Variants in HADHA observed in about 807,000 individuals in gnomAD.
HADHA encodes hydroxyacyl-CoA dehydrogenase trifunctional multienzyme complex subunit alpha.
In HADHA, 59 loss-of-function variants were observed where a neutral mutation model predicts 91.3. That is an observed-to-expected ratio of 0.65 (90% CI 0.52 to 0.80). The LOEUF (loss-of-function observed/expected upper bound fraction) is 0.80, where lower values mean the gene tolerates loss of function less well. Among genes scored for constraint, HADHA ranks in the 30% least tolerant of loss-of-function variants. The pLI is 0.00. For synonymous variants in HADHA, 320 were observed against 338.9 expected, an observed-to-expected ratio of 0.94 and a Z score of 0.61; for missense variants, 800 against 927.6, an observed-to-expected ratio of 0.86 and a Z score of 1.79.
chr2:26,227,526 A>G (rs1312706065), intron 7 of HADHA, among the ~76,000 whole-genome samples: 1 of 151,336 alleles, frequency 6.6e-6, no homozygotes, highest in Non-Finnish European at 1.5e-5. Flanking sequence ...AAAAAAAAAG[A>G]AAAAAGAACT....
At chr2:26,224,363 T>C (rs918895382) in intron 7 of HADHA, among the ~76,000 whole-genome samples, 8 of 152,240 alleles carry the variant, frequency 5.3e-5, no homozygotes, top group African/African-American at 1.2e-4. Context: ...CAGTTCTCTT[T>C]CCACATCAGC....
chr2:26,230,108 C>G, intron 7 of HADHA, 84 bp downstream of exon 7: 1 of 838,110 alleles, frequency 1.2e-6, no homozygotes, highest in Non-Finnish European at 2.0e-6. Context: ...CAGGTGTGAG[C>G]CACCGTGCCT....
At position 26,199,528 on chromosome 2, in the gene HADHA, C is replaced by G. The variant is rs138005745; in HGVS notation, c.1392+1621G>C. ...AACTAATGTCTCCAAAGCTGGCTGG[C>G]AAACATTCTTCCCTTCCTTGGACAT... On this transcript the variant is annotated intron_variant, in intron 13 of 19. Transcript: ENST00000380649. 2.6e-5 allele frequency among the ~76,000 whole-genome samples: 4 copies of G among 152,274 alleles called. No homozygotes were observed. The East Asian group carries it at 7.7e-4, about 29-fold the overall frequency.
At chr2:26,233,809 A>C (rs923609197) in intron 5 of HADHA, among the ~76,000 whole-genome samples, 15 of 152,216 alleles carry the variant, frequency 9.9e-5, no homozygotes, top group African/African-American at 3.6e-4. Flanking sequence ...ATTTAGGCAC[A>C]GTGGCTCACA....
Position 26,193,596 on chromosome 2 carries a change from C to T in HADHA, c.1866G>A (p.Met622Ile), listed in dbSNP as rs778699495. 2 of 1,613,546 alleles carry T rather than the reference C, an allele frequency of 1.2e-6. No homozygotes were observed. Among genetic ancestry groups the T allele is most frequent in the East Asian group, 4.5e-5 (2 of 44,882 alleles). Reference sequence around the variant, plus strand: ...ACTCACCTAGGAAGCCCTTGGACACCATCTGTGTCAGCAGTTCTGGGTTTC... The same window carrying T: ...ACTCACCTAGGAAGCCCTTGGACACTATCTGTGTCAGCAGTTCTGGGTTTC... ...GGGNPELLTQ[M>I]VSKGFLGRKS... The change falls in exon 17 of 20, where the codon ATG (methionine) becomes ATA (isoleucine). Residue 622 changes from methionine (M) to isoleucine (I), a missense_variant. Coordinates refer to ENST00000380649, the MANE Select transcript of HADHA (RefSeq NM_000182.5).
chr2:26,239,051 T>A, intron 2 of HADHA, 47 bp from the exon 3 acceptor site: 1 of 1,570,854 alleles, frequency 6.4e-7, no homozygotes, highest in East Asian at 2.2e-5. Context: ...TATTGCAACA[T>A]AAATCCAAAA....
chr2:26,211,281 C>T (rs765052710), intron 10 of HADHA, among the ~76,000 whole-genome samples: 2 of 151,976 alleles, frequency 1.3e-5, no homozygotes, highest in Non-Finnish European at 2.9e-5. Context: ...CAGAAATGCC[C>T]AATGAGACAT....
rs1458271689 is a variant in HADHA at position 26,191,540 on chromosome 2, G to T, written c.2089C>A (p.Pro697Thr). 6.2e-7 allele frequency: 1 copy of T among 1,614,156 alleles called. No individual in the cohort carries two copies. The highest frequency in any genetic ancestry group is 2.2e-5 in the East Asian group (1 of 44,878). The stretch of plus-strand genomic sequence containing the variant: ...ACGGCTCCGATGTCTCCCTCTGCAG[G>T]TGTGGCCAAGATCCCCTCTTGCAGG... ...MCLQEGILAT[P>T]AEGDIGAVFG... Residue 697 changes from proline to threonine, a missense_variant, in exon 19 of 20, where the codon CCT (proline) becomes ACT (threonine). Transcript: ENST00000380649.
rs111258495 is a variant in HADHA, at chr2:26,241,920, AT to A, written c.67+2609del. Among the ~76,000 whole-genome samples the A allele has an allele frequency of 5.7e-3, 837 of 146,070 alleles. 3 individuals are homozygous for A. The highest frequency in any genetic ancestry group is 0.011 in the African/African-American group (424 of 40,100). On this transcript the variant is annotated intron_variant, in intron 1 of 19. Transcript: ENST00000380649. ...AGAATTACAAGTCTCCTTCAAGATAATTTTTTTTTTTTTGAGATATGGTCTC... is the reference window on the plus strand; with the variant it reads ...AGAATTACAAGTCTCCTTCAAGATAATTTTTTTTTTTTGAGATATGGTCTC...
intron 14 of HADHA, among the ~76,000 whole-genome samples, chr2:26,195,765 G>A (rs1669652190): frequency 6.6e-6 from 1 of 152,086 alleles, no homozygotes; most frequent in South Asian, 2.1e-4. Flanking sequence ...GTAGTACCCG[G>A]ACCCAACAAG....
At position 26,209,837 on chromosome 2, in the gene HADHA, T is replaced by C. The variant is rs979643559; in HGVS notation, c.1028A>G (p.Tyr343Cys). Residue 343 changes from tyrosine to cysteine, a missense_variant, in exon 11 of 20, where the codon TAC becomes TGC. Physicochemically the swap from Tyr to Cys is radical, Grantham distance 194. Coordinates refer to ENST00000380649, the MANE Select transcript of HADHA (RefSeq NM_000182.5). ...CTTCTTGCACAGGACCTGACCATGG[T>C]AGAGTCCCATCAAGGCCTTTGATTC... ...TKESKALMGLYHGQVLCKKNK... is the reference protein window; with the variant it reads ...TKESKALMGLCHGQVLCKKNK... 6.2e-7 allele frequency: 1 copy of C among 1,607,490 alleles called. No individual in the cohort carries two copies. The highest frequency in any genetic ancestry group is 8.5e-7 in the Non-Finnish European group (1 of 1,174,012).
rs1558331142 is a variant in HADHA at position 26,236,909 on chromosome 2, C to T, written c.260G>A (p.Ser87Asn). 2 of 1,610,900 alleles carry T rather than the reference C, an allele frequency of 1.2e-6. No individual in the cohort carries two copies. Among genetic ancestry groups the T allele is most frequent in the Non-Finnish European group, 8.5e-7 (1 of 1,177,176 alleles). ...NEIWASDQIR[S>N]AVLISSKPGC... is the part of the protein sequence containing the mutation. The stretch of plus-strand genomic sequence containing the variant: ...TGGCTTTGATGAGATAAGGACGGCA[C>T]TTCTGATTTGATCACTAGCCCAGAT... The change falls in exon 4 of 20, where the codon AGT (serine) becomes AAT (asparagine). Residue 87 changes from serine to asparagine, a missense_variant. By Grantham distance (46) the Ser-to-Asn change is conservative. Coordinates refer to ENST00000380649, the MANE Select transcript of HADHA (RefSeq NM_000182.5).
At chr2:26,194,525 G>T (rs1669606019) in intron 16 of HADHA, 45 bp downstream of exon 16, 3 of 1,113,100 alleles carry the variant, frequency 2.7e-6, no homozygotes, top group African/African-American at 1.5e-5. Flanking sequence ...TAGAGTGACT[G>T]AAGGAGTGGA....
Position 26,191,135 on chromosome 2 carries a change from A to AGT in HADHA, c.*113_*114dup. The AGT allele has an allele frequency of 9.6e-7, 1 of 1,041,144 alleles. No individual in the cohort carries two copies. The highest frequency in any genetic ancestry group is 1.5e-6 in the Non-Finnish European group (1 of 677,612). The allele number at this position is 1,041,144 out of a possible 1,614,324, so 64.5% of individuals were successfully genotyped here. On this transcript the variant is annotated 3_prime_UTR_variant, in exon 20 of 20. Coordinates refer to ENST00000380649, the MANE Select transcript of HADHA (RefSeq NM_000182.5). Reference sequence around the variant, plus strand: ...GGCACTTTAATCAGGGAGCAAACCCAGTGCCGGAGTTTGTCTTCTCGTTAC... The same window carrying AGT: ...GGCACTTTAATCAGGGAGCAAACCCAGTGTGCCGGAGTTTGTCTTCTCGTTAC...
At chr2:26,195,302 G>T in intron 14 of HADHA, 70 bp from the exon 15 acceptor site, 1 of 1,295,568 alleles carries the variant, frequency 7.7e-7, no homozygotes, top group Non-Finnish European at 1.1e-6. Flanking sequence ...TTCCTTCTCT[G>T]CTAGGAAAAC....
chr2:26,231,436 C>A (rs934141241), intron 6 of HADHA, among the ~76,000 whole-genome samples: 23 of 152,282 alleles, frequency 1.5e-4, no homozygotes, highest in African/African-American at 5.1e-4. Context: ...GCCTGCTGAG[C>A]CTCTTTTGGT....
chr2:26,234,307 T>C lies in HADHA; in HGVS notation c.363A>G (p.Gln121=), dbSNP rs199639645. The C allele has an allele frequency of 6.2e-7, 1 of 1,613,184 alleles. No individual in the cohort carries two copies. The highest frequency in any genetic ancestry group is 8.5e-7 in the Non-Finnish European group (1 of 1,179,200). ...KTLQEVTQLS[Q]EAQRIVEKLE... is the part of the protein sequence containing the mutation. ...GTTTCTCAACTATTCTCTGTGCTTCTTGTGATAGCTGTGTTACTTCTTGAA... is the reference window on the plus strand; with the variant it reads ...GTTTCTCAACTATTCTCTGTGCTTCCTGTGATAGCTGTGTTACTTCTTGAA... The change falls in exon 5 of 20, where the codon CAA becomes CAG. Residue 121 remains glutamine (Q), a synonymous_variant. Coordinates refer to ENST00000380649, the MANE Select transcript of HADHA (RefSeq NM_000182.5).
chr2:26,217,178 G>A (rs768623383), intron 7 of HADHA, among the ~76,000 whole-genome samples: 3 of 151,198 alleles, frequency 2.0e-5, no homozygotes, highest in Non-Finnish European at 4.4e-5. Context: ...GCAAGACCCC[G>A]TCTGAAAAAA....
chr2:26,232,403 T>C (rs757627577), intron 5 of HADHA, 124 bp from the exon 6 acceptor site: 2 of 724,862 alleles, frequency 2.8e-6, no homozygotes, highest in Admixed American at 2.1e-5. Flanking sequence ...CTGAAATTCC[T>C]TAGGCTGGCA....
Sources: allele counts gnomAD v4.1 joint callset (sites outside exome capture counted in the v4.1 genomes callset), GRCh38; gene constraint gnomAD v4.1.1; transcripts MANE v1.5; gene names NCBI Gene and HGNC (gene_info 2026-07-23, HGNC 2026-07-21).